Variants in SHLD2 observed in about 807,000 individuals in gnomAD.
SHLD2 encodes shieldin complex subunit 2.
In SHLD2, 30 loss-of-function variants were observed where a neutral mutation model predicts 73.2. The ratio of observed to expected loss-of-function variants is 0.41; its 90% CI spans 0.31 to 0.56. The LOEUF is 0.56. Among genes scored for constraint, SHLD2 ranks in the 20% least tolerant of loss-of-function variants. The pLI, the probability that SHLD2 is intolerant of heterozygous loss-of-function variation, is 0.28. For synonymous variants in SHLD2, 285 were observed against 370.1 expected, an observed-to-expected ratio of 0.77 and a Z score of 2.64; for missense variants, 745 against 1,055.9, an observed-to-expected ratio of 0.71 and a Z score of 4.08.
chr10:87,155,719 C>T (rs928486586), intron 3 of SHLD2, among the ~76,000 whole-genome samples: 3 of 152,002 alleles, frequency 2.0e-5, no homozygotes, highest in African/African-American at 7.3e-5. Flanking sequence ...GTAAACTCAA[C>T]TCTGCAATCT....
chr10:87,163,961 CTT>C (rs201405790), intron 4 of SHLD2, among the ~76,000 whole-genome samples: 5 of 117,874 alleles, frequency 4.2e-5, no homozygotes, highest in Admixed American at 8.3e-5. Context: ...CTTTTCTTTT[CTT>C]TTTTTTTTTT....
intron 2 of SHLD2, among the ~76,000 whole-genome samples, chr10:87,119,481 G>A (rs1843452384): frequency 1.3e-5 from 2 of 152,002 alleles, no homozygotes; most frequent in Admixed American, 1.3e-4. Flanking sequence ...TGTGTATAGG[G>A]CCGGGCGCCG....
intron 1 of SHLD2, among the ~76,000 whole-genome samples, chr10:87,096,273 G>A (rs1841877348): frequency 6.6e-6 from 1 of 152,050 alleles, no homozygotes; most frequent in Non-Finnish European, 1.5e-5. Context: ...TCCAACGCCT[G>A]ACCTCAAGTG....
intron 4 of SHLD2, among the ~76,000 whole-genome samples, chr10:87,165,016 G>A (rs1390798058): frequency 1.1e-4 from 16 of 151,996 alleles, no homozygotes; most frequent in East Asian, 3.9e-4. Context: ...GCAAAACCCC[G>A]TCTCTACAAA....
chr10:87,135,656 G>T lies in SHLD2; in HGVS notation c.-5-15694G>T, dbSNP rs1198829765. Among the ~76,000 whole-genome samples, 5 of 143,304 alleles carry T rather than the reference G, an allele frequency of 3.5e-5. No individual in the cohort carries two copies. The Admixed American group carries it at 3.9e-4, about 11-fold the overall frequency. 94.0% of individuals were successfully genotyped at this position (143,304 alleles called of 152,430 possible). ...CTACAGATGCATGCCACCACACCTG[G>T]CTAATTTTTTTTTTTTTTTTTTTTA... On this transcript the variant is annotated intron_variant, in intron 2 of 9. Coordinates refer to ENST00000298786, the MANE Select transcript of SHLD2 (RefSeq NM_001330112.2).
intron 2 of SHLD2, among the ~76,000 whole-genome samples, chr10:87,107,107 A>AAAAGAG (rs56386341): frequency 1.4e-5 from 2 of 146,424 alleles, no homozygotes; most frequent in African/African-American, 5.0e-5. Context: ...AAAAAAAAAA[A>AAAAGAG]AGAGATTTAA....
intron 2 of SHLD2, chr10:87,114,004 G>GAA (rs10692373): frequency 0.07 from 10,367 of 147,592 alleles, 770 homozygotes; most frequent in African/African-American, 0.2. Flanking sequence ...AGACTGTCTT[G>GAA]AAAAAAAAAA....
chr10:87,160,644 C>T (rs1846737728), intron 4 of SHLD2, among the ~76,000 whole-genome samples: 1 of 152,088 alleles, frequency 6.6e-6, no homozygotes, highest in Non-Finnish European at 1.5e-5. Flanking sequence ...TGTCCACTAT[C>T]TCTGCAACTA....
intron 2 of SHLD2, among the ~76,000 whole-genome samples, chr10:87,106,471 T>G (rs1842602209): frequency 1.3e-5 from 2 of 152,242 alleles, no homozygotes; most frequent in South Asian, 4.1e-4. Flanking sequence ...ATTTGCAGTT[T>G]CATATTGTAT....
At chr10:87,127,282 C>T (rs1026331073) in intron 2 of SHLD2, among the ~76,000 whole-genome samples, 1 of 152,132 alleles carries the variant, frequency 6.6e-6, no homozygotes, top group African/African-American at 2.4e-5. Flanking sequence ...AATGCTTGTC[C>T]TAGCATTACT....
intron 3 of SHLD2, 145 bp from the exon 4 acceptor site, chr10:87,157,903 C>T (rs1006621157): frequency 1.3e-5 from 7 of 538,938 alleles, no homozygotes; most frequent in East Asian, 6.2e-5. Flanking sequence ...TTTCTTATTT[C>T]GTGCCTTTAG....
intron 1 of SHLD2, among the ~76,000 whole-genome samples, chr10:87,096,555 C>T (rs773131458): frequency 5.3e-5 from 8 of 152,026 alleles, no homozygotes; most frequent in Non-Finnish European, 8.8e-5. Context: ...CAAGACCAGC[C>T]TGGGCTCGTC....
At chr10:87,125,446 C>T (rs1309007578) in intron 2 of SHLD2, among the ~76,000 whole-genome samples, 1 of 152,180 alleles carries the variant, frequency 6.6e-6, no homozygotes, top group Admixed American at 6.5e-5. Flanking sequence ...TTATAATTCT[C>T]AGTAATTGGC....
chr10:87,175,769 A>C (rs1847915664), intron 6 of SHLD2, 120 bp from the exon 7 acceptor site: 7 of 858,824 alleles, frequency 8.2e-6, no homozygotes, highest in African/African-American at 5.2e-5. Context: ...TGTTTACCCA[A>C]ATTCTTTAGT....
chr10:87,112,141 G>A (rs1433558263), intron 2 of SHLD2, among the ~76,000 whole-genome samples: 2 of 151,762 alleles, frequency 1.3e-5, no homozygotes, highest in African/African-American at 4.8e-5. Context: ...GGGAGGCTGA[G>A]GCAGGAGAAT....
intron 2 of SHLD2, among the ~76,000 whole-genome samples, chr10:87,099,316 CCATT>C (rs1285369563): frequency 6.6e-6 from 1 of 152,122 alleles, no homozygotes; most frequent in Non-Finnish European, 1.5e-5. Flanking sequence ...AATTCTTGAA[CCATT>C]CATTTTTAAA....
At chr10:87,147,760 G>C (rs1443955788) in intron 2 of SHLD2, among the ~76,000 whole-genome samples, 1 of 151,962 alleles carries the variant, frequency 6.6e-6, no homozygotes, top group Non-Finnish European at 1.5e-5. Context: ...AGTCCTAAGA[G>C]CCTACGAAAA....
chr10:87,131,010 C>T (rs1352033444), intron 2 of SHLD2, among the ~76,000 whole-genome samples: 2 of 151,910 alleles, frequency 1.3e-5, no homozygotes, highest in East Asian at 3.9e-4. Flanking sequence ...GAGGTTGCAG[C>T]GTGCTGAGAT....
At chr10:87,183,897 T>G (rs1848459796) in intron 8 of SHLD2, among the ~76,000 whole-genome samples, 1 of 152,342 alleles carries the variant, frequency 6.6e-6, no homozygotes, top group East Asian at 1.9e-4. Flanking sequence ...AATCTTGAGC[T>G]CTCGTCTGCG....
Sources: allele counts gnomAD v4.1 joint callset (sites outside exome capture counted in the v4.1 genomes callset), GRCh38; gene constraint gnomAD v4.1.1; transcripts MANE v1.5; gene names NCBI Gene and HGNC (gene_info 2026-07-23, HGNC 2026-07-21).